The following TRPM3 variants were observed in gnomAD, a reference collection of about 807,000 sequenced individuals.
The protein encoded by TRPM3 is long transient receptor potential channel 3.
TRPM3 carries 77 observed loss-of-function variants against 181.2 expected under a neutral mutation model. The observed-to-expected ratio is 0.42, with a 90% CI of 0.35 to 0.51. The LOEUF is 0.51. Ranked by LOEUF, TRPM3 falls within the 20% of genes least tolerant of loss-of-function variation. TRPM3 has a pLI of 0.01. For missense variants in TRPM3, 1,759 were observed against 2,196.7 expected (o/e 0.80, Z 3.98); for synonymous variants, 745 against 796.4 (o/e 0.94, Z 1.09).
chr9:70,994,141 T>C (rs1465713996), intron 1 of TRPM3, among the ~76,000 whole-genome samples: 4 of 152,178 alleles, frequency 2.6e-5, no homozygotes, highest in African/African-American at 9.7e-5. Flanking sequence ...GAGGTCTGAG[T>C]CCTGATTCCA....
At chr9:71,064,972 A>G (rs1042837009) in intron 1 of TRPM3, among the ~76,000 whole-genome samples, 7 of 152,148 alleles carry the variant, frequency 4.6e-5, no homozygotes, top group African/African-American at 1.4e-4. Context: ...GCACATTAGG[A>G]GGAGGCACAT....
chr9:70,954,652 TA>T (rs995647139), intron 1 of TRPM3, among the ~76,000 whole-genome samples: 8 of 152,034 alleles, frequency 5.3e-5, no homozygotes, highest in Non-Finnish European at 7.4e-5. Flanking sequence ...GTTTCACACT[TA>T]AAAAAAACTC....
chr9:70,845,390 C>T (rs2094912284), intron 4 of TRPM3, among the ~76,000 whole-genome samples: 1 of 152,072 alleles, frequency 6.6e-6, no homozygotes, highest in South Asian at 2.1e-4. Context: ...CAGGCACCTG[C>T]CACCACGCCG....
At chr9:71,091,540 A>G (rs1591346822) in intron 1 of TRPM3, among the ~76,000 whole-genome samples, 1 of 152,224 alleles carries the variant, frequency 6.6e-6, no homozygotes, top group East Asian at 1.9e-4. Context: ...CGTTACCTTG[A>G]GCCACAAGAG....
At chr9:70,668,485 A>AAAC (rs1485410530) in intron 9 of TRPM3, among the ~76,000 whole-genome samples, 1 of 152,074 alleles carries the variant, frequency 6.6e-6, no homozygotes, top group Non-Finnish European at 1.5e-5. Context: ...TAACACAGTG[A>AAAC]AACCCCGTCT....
intron 21 of TRPM3, 30 bp from the exon 22 acceptor site, chr9:70,591,235 C>T: frequency 1.9e-6 from 3 of 1,586,108 alleles, no homozygotes; most frequent in Non-Finnish European, 2.6e-6. Context: ...GAGGGAGAAA[C>T]AAGAGAAAAC....
intron 1 of TRPM3, among the ~76,000 whole-genome samples, chr9:71,353,542 C>T (rs1010649369): frequency 6.6e-6 from 1 of 152,118 alleles, no homozygotes; most frequent in Admixed American, 6.5e-5. Context: ...CCTGTGTTGC[C>T]TAGGGCGAAT....
intron 1 of TRPM3, among the ~76,000 whole-genome samples, chr9:70,929,799 A>T (rs1330319565): frequency 6.6e-6 from 1 of 152,144 alleles, no homozygotes; most frequent in Non-Finnish European, 1.5e-5. Context: ...GTTTGTTTTT[A>T]CTTTTTTAGA....
At chr9:71,088,745 G>A (rs7871693) in intron 1 of TRPM3, among the ~76,000 whole-genome samples, 18 of 151,582 alleles carry the variant, frequency 1.2e-4, no homozygotes, top group African/African-American at 4.1e-4. Flanking sequence ...ATTTCCAGCT[G>A]TAAAATTCTG....
intron 1 of TRPM3, among the ~76,000 whole-genome samples, chr9:71,273,425 T>C (rs997840444): frequency 6.6e-6 from 1 of 152,226 alleles, no homozygotes; most frequent in Non-Finnish European, 1.5e-5. Flanking sequence ...TCTGTTTTCC[T>C]GTCTTCTATT....
chr9:71,377,287 A>G (rs544393188), intron 1 of TRPM3, among the ~76,000 whole-genome samples: 188 of 152,224 alleles, frequency 1.2e-3, no homozygotes, highest in African/African-American at 4.3e-3. Flanking sequence ...GCCCTCTAAG[A>G]AATTATTTTT....
At chr9:71,389,682 A>G (rs920722085) in intron 1 of TRPM3, among the ~76,000 whole-genome samples, 12 of 152,168 alleles carry the variant, frequency 7.9e-5, no homozygotes, top group African/African-American at 2.9e-4. Flanking sequence ...CAGCATTTGC[A>G]GTGACCTGGA....
intron 8 of TRPM3, among the ~76,000 whole-genome samples, chr9:70,687,531 T>C (rs970761913): frequency 2.0e-5 from 3 of 152,144 alleles, no homozygotes; most frequent in Non-Finnish European, 1.5e-5. Context: ...CCCAAAAAAC[T>C]CAACATCAAA....
chr9:70,751,882 G>A (rs1316032186), intron 8 of TRPM3, among the ~76,000 whole-genome samples: 1 of 152,106 alleles, frequency 6.6e-6, no homozygotes, highest in Non-Finnish European at 1.5e-5. Context: ...GGATAAAGGA[G>A]AAGAAAGTAG....
intron 1 of TRPM3, among the ~76,000 whole-genome samples, chr9:70,932,266 AAG>A (rs771319326): frequency 6.6e-6 from 1 of 152,074 alleles, no homozygotes; most frequent in Non-Finnish European, 1.5e-5. Flanking sequence ...GATGGAAAGT[AAG>A]AGAGTGGGGA....
At chr9:70,884,937 T>C (rs1317076624) in intron 1 of TRPM3, among the ~76,000 whole-genome samples, 1 of 152,170 alleles carries the variant, frequency 6.6e-6, no homozygotes, top group Non-Finnish European at 1.5e-5. Flanking sequence ...AACTTGTTTA[T>C]AAAAATCACA....
chr9:71,041,638 T>C (rs900458131), intron 1 of TRPM3, among the ~76,000 whole-genome samples: 1 of 152,160 alleles, frequency 6.6e-6, no homozygotes, highest in Non-Finnish European at 1.5e-5. Flanking sequence ...GTACGAGCCA[T>C]TCACAAAAAG....
At chr9:71,409,704 C>T (rs2093506551) in intron 1 of TRPM3, among the ~76,000 whole-genome samples, 1 of 152,098 alleles carries the variant, frequency 6.6e-6, no homozygotes, top group Non-Finnish European at 1.5e-5. Flanking sequence ...ATCAACGAGA[C>T]AGAAGGTTAA....
chr9:71,305,541 T>A (rs930507131), intron 1 of TRPM3, among the ~76,000 whole-genome samples: 5 of 152,086 alleles, frequency 3.3e-5, no homozygotes, highest in Admixed American at 6.5e-5. Context: ...AAAGACAGAG[T>A]TCTGACTAGA....
Sources: allele counts gnomAD v4.1 joint callset (sites outside exome capture counted in the v4.1 genomes callset), GRCh38; gene constraint gnomAD v4.1.1; transcripts MANE v1.5; gene names NCBI Gene and HGNC (gene_info 2026-07-23, HGNC 2026-07-21).